INPP4B: variants seen among roughly 807,000 people sequenced by gnomAD.
INPP4B encodes inositol polyphosphate 4-phosphatase type II.
Under a neutral mutation model 122.5 loss-of-function variants are expected in INPP4B, and 55 were observed. The observed-to-expected ratio is 0.45, with a 90% confidence interval of 0.36 to 0.56. The LOEUF is 0.56. Ranked by LOEUF, INPP4B falls within the 20% of genes least tolerant of loss-of-function variation. The pLI is 0.00. For missense variants in INPP4B, 1,000 were observed against 1,097.7 expected, an observed-to-expected ratio of 0.91 and a Z score of 1.26; for synonymous variants, 403 against 388.7, an observed-to-expected ratio of 1.04 and a Z score of -0.43.
intron 5 of INPP4B, among the ~76,000 whole-genome samples, chr4:142,426,005 C>T (rs1807975135): frequency 6.9e-6 from 1 of 144,676 alleles, no homozygotes; most frequent in East Asian, 1.9e-4. Flanking sequence ...AAGAACATTA[C>T]TTCAGAGCGT....
intron 2 of INPP4B, among the ~76,000 whole-genome samples, chr4:142,720,722 A>ATATACATACATATATATATG (rs1764427301): frequency 1.2e-5 from 1 of 81,494 alleles, no homozygotes; most frequent in Non-Finnish European, 2.3e-5. Context: ...GTATATGTGT[A>ATATACATACATATATATATG]TATATATACA....
intron 14 of INPP4B, among the ~76,000 whole-genome samples, chr4:142,207,699 T>G (rs1843126958): frequency 6.6e-6 from 1 of 152,128 alleles, no homozygotes; most frequent in South Asian, 2.1e-4. Context: ...GGACATAATC[T>G]AGGACTTTTG....
intron 2 of INPP4B, among the ~76,000 whole-genome samples, chr4:142,501,492 C>T (rs1580224342): frequency 6.6e-6 from 1 of 151,874 alleles, no homozygotes; most frequent in East Asian, 1.9e-4. Flanking sequence ...AAAACAGTGT[C>T]TTAGAAGATC....
intron 1 of INPP4B, among the ~76,000 whole-genome samples, chr4:142,787,870 T>C (rs1315395472): frequency 1.3e-5 from 2 of 151,338 alleles, no homozygotes; most frequent in Non-Finnish European, 2.9e-5. Flanking sequence ...GAGACTGGTG[T>C]AGACTTGAGG....
rs183959864 is a variant in INPP4B at position 142,771,651 on chromosome 4, G to A, written c.-253-45750C>T. On this transcript the variant is annotated intron_variant, in intron 1 of 25. Coordinates refer to ENST00000262992, the MANE Select transcript of INPP4B (RefSeq NM_001101669.3). ...CAAGGCTTATGCTCAGGTTTGGCCT[G>A]AGCGGTACTGCAGTGCTATAAATGG... 3.9e-5 allele frequency among the ~76,000 whole-genome samples: 6 copies of A among 152,234 alleles called. No individual in the cohort carries two copies. The East Asian group carries it at 1.2e-3, about 29-fold the overall frequency.
At chr4:142,410,906 G>A (rs1478530593) in intron 5 of INPP4B, among the ~76,000 whole-genome samples, 1 of 151,888 alleles carries the variant, frequency 6.6e-6, no homozygotes, top group Non-Finnish European at 1.5e-5. Flanking sequence ...ATTCCAGATT[G>A]GTCCTAATTT....
intron 7 of INPP4B, among the ~76,000 whole-genome samples, chr4:142,334,903 C>T (rs1043392202): frequency 1.3e-5 from 2 of 151,400 alleles, no homozygotes; most frequent in Non-Finnish European, 1.5e-5. Flanking sequence ...AAATATTTTT[C>T]CAGTTCTATA....
chr4:142,524,163 G>T (rs942379199), intron 2 of INPP4B, among the ~76,000 whole-genome samples: 7 of 151,948 alleles, frequency 4.6e-5, no homozygotes, highest in Non-Finnish European at 1.0e-4. Context: ...AGTCCTTTGG[G>T]TATATACCCA....
chr4:142,814,622 C>A (rs1779911839), intron 1 of INPP4B, among the ~76,000 whole-genome samples: 1 of 151,942 alleles, frequency 6.6e-6, no homozygotes, highest in Admixed American at 6.6e-5. Flanking sequence ...CTAAAAGCTA[C>A]ACATAGAACT....
chr4:142,382,350 A>G (rs1794416583), intron 7 of INPP4B, among the ~76,000 whole-genome samples: 1 of 151,732 alleles, frequency 6.6e-6, no homozygotes, highest in Non-Finnish European at 1.5e-5. Context: ...CTCTACTGAA[A>G]ATACAACAAC....
intron 5 of INPP4B, among the ~76,000 whole-genome samples, chr4:142,425,777 G>A (rs2149339525): frequency 6.6e-6 from 1 of 152,070 alleles, no homozygotes; most frequent in East Asian, 1.9e-4. Context: ...AACACTATCT[G>A]AAATGATTTT....
At chr4:142,398,376 TA>T (rs1183246808) in intron 7 of INPP4B, among the ~76,000 whole-genome samples, 3 of 8,870 alleles carry the variant, frequency 3.4e-4, no homozygotes, top group Non-Finnish European at 6.0e-4. Context: ...AGACTCTGTC[TA>T]AAAAAAAAAA....
At chr4:142,333,221 A>G (rs1418212950) in intron 7 of INPP4B, among the ~76,000 whole-genome samples, 1 of 152,032 alleles carries the variant, frequency 6.6e-6, no homozygotes, top group Non-Finnish European at 1.5e-5. Context: ...CCTTAAAACG[A>G]GATTGTTGTA....
chr4:142,355,165 G>T (rs899744629), intron 7 of INPP4B, among the ~76,000 whole-genome samples: 3 of 152,030 alleles, frequency 2.0e-5, no homozygotes, highest in Non-Finnish European at 4.4e-5. Context: ...TCTTAAAATA[G>T]AAGTTCAGAA....
chr4:142,246,278 T>A lies in INPP4B; in HGVS notation c.689-8267A>T, dbSNP rs116187685. The stretch of plus-strand genomic sequence containing the variant: ...AGGATTGCCTTTGCTATATGGGCTA[T>A]TTTTTCTTTTTGTTCCATATGAAAT... On this transcript the variant is annotated intron_variant, in intron 11 of 25. Transcript: ENST00000262992. 5.7e-3 allele frequency among the ~76,000 whole-genome samples: 868 copies of A among 152,146 alleles called. 9 individuals carry two copies. The highest frequency in any genetic ancestry group is 0.02 in the African/African-American group (835 of 41,500).
intron 2 of INPP4B, among the ~76,000 whole-genome samples, chr4:142,705,160 T>A (rs1762303984): frequency 6.6e-6 from 1 of 152,208 alleles, no homozygotes; most frequent in South Asian, 2.1e-4. Context: ...ATTTCCAATC[T>A]ACACATATTT....
At chr4:142,055,000 T>C (rs1417743244) in intron 25 of INPP4B, among the ~76,000 whole-genome samples, 1 of 152,050 alleles carries the variant, frequency 6.6e-6, no homozygotes, top group Non-Finnish European at 1.5e-5. Flanking sequence ...TGGCCAGGTA[T>C]ATACATGTGT....
At chr4:142,744,486 C>T (rs1262872286) in intron 1 of INPP4B, among the ~76,000 whole-genome samples, 2 of 151,658 alleles carry the variant, frequency 1.3e-5, no homozygotes, top group African/African-American at 2.4e-5. Context: ...AAAGAAATCC[C>T]CAAACACGTC....
intron 14 of INPP4B, among the ~76,000 whole-genome samples, chr4:142,198,007 A>G (rs578078676): frequency 1.3e-5 from 2 of 152,280 alleles, no homozygotes; most frequent in Admixed American, 1.3e-4. Flanking sequence ...TGGATGCTCA[A>G]TAAAGTTGAT....
Sources: gnomAD v4.1 joint callset for allele counts (sites outside exome capture counted in the v4.1 genomes callset) on GRCh38, gnomAD v4.1.1 for gene constraint, MANE v1.5 for transcripts, NCBI Gene and HGNC (gene_info 2026-07-23, HGNC 2026-07-21) for gene names.